The following PKIB variants were observed in gnomAD, a reference collection of about 807,000 sequenced individuals.
PKIB encodes the protein PKI-beta.
A neutral mutation model predicts 4.5 loss-of-function variants in PKIB; 2 were observed. The observed-to-expected ratio is 0.44, with a 90% CI of 0.18 to 1.39. PKIB has a LOEUF of 1.39. Ranked by LOEUF, PKIB falls within the 40% of genes most tolerant of loss-of-function variation. The pLI, the probability that PKIB is intolerant of heterozygous loss-of-function variation, is 0.27. For missense variants in PKIB, 94 were observed against 92.6 expected, an observed-to-expected ratio of 1.02 and a Z score of -0.06; for synonymous variants, 38 against 36.0, an observed-to-expected ratio of 1.06 and a Z score of -0.20.
At chr6:122,710,679 G>T (rs2115053023) in intron 3 of PKIB, among the ~76,000 whole-genome samples, 1 of 152,298 alleles carries the variant, frequency 6.6e-6, no homozygotes, top group East Asian at 1.9e-4. Context: ...TGGTAAAGGT[G>T]CTAGCACGCA....
chr6:122,703,109 T>C (rs1419090487), intron 3 of PKIB, among the ~76,000 whole-genome samples: 2 of 152,170 alleles, frequency 1.3e-5, no homozygotes, highest in East Asian at 3.8e-4. Flanking sequence ...AGCTCTATTC[T>C]GTGAAATGCC....
upstream of PKIB, among the ~76,000 whole-genome samples, chr6:122,605,823 GA>G (rs753919517): frequency 6.6e-6 from 1 of 152,128 alleles, no homozygotes; most frequent in Non-Finnish European, 1.5e-5. Context: ...CTAATCTTCT[GA>G]TTTTCATATG....
At chr6:122,577,764 C>T (rs1773588654) in intron 2 of PKIB, among the ~76,000 whole-genome samples, 1 of 151,718 alleles carries the variant, frequency 6.6e-6, no homozygotes, top group South Asian at 2.1e-4. Context: ...AAAAAATTAG[C>T]CGGGCGTGGT....
intron 3 of PKIB, among the ~76,000 whole-genome samples, chr6:122,599,973 A>ATATATCTATATCTATATC (rs72488702): frequency 2.7e-5 from 4 of 146,836 alleles, no homozygotes; most frequent in African/African-American, 7.6e-5. Flanking sequence ...AACTAATAGG[A>ATATATCTATATCTATATC]TATATCTATA....
intron 2 of PKIB, among the ~76,000 whole-genome samples, chr6:122,641,021 T>C (rs1477844206): frequency 1.3e-5 from 2 of 152,204 alleles, no homozygotes; most frequent in Non-Finnish European, 2.9e-5. Context: ...ACTCATTTTA[T>C]TTTATAATGT....
chr6:122,575,012 AG>A (rs1773484645), intron 2 of PKIB, among the ~76,000 whole-genome samples: 1 of 152,214 alleles, frequency 6.6e-6, no homozygotes, highest in East Asian at 1.9e-4. Flanking sequence ...ACAAAGAACT[AG>A]TATCCAGAAT....
rs144382469 is a variant in PKIB at position 122,514,128 on chromosome 6, G to T, written c.-248+36189G>T. On this transcript the variant is annotated intron_variant, in intron 2 of 6. Coordinates refer to the PKIB transcript ENST00000392491. ...GAGGCAAATCCAGGAATTCTAAAAG[G>T]AACAGATTCCAGGGATGAATTCTCT... 1.8e-4 allele frequency among the ~76,000 whole-genome samples: 28 copies of T among 152,314 alleles called. 1 individual carries two copies. In the East Asian group the frequency reaches 3.3e-3, roughly 18 times the overall value.
At chr6:122,668,133 C>A (rs1391525884) in intron 2 of PKIB, among the ~76,000 whole-genome samples, 2 of 152,172 alleles carry the variant, frequency 1.3e-5, no homozygotes, top group African/African-American at 4.8e-5. Flanking sequence ...CATTTTAGAG[C>A]AGGTTTTCAC....
chr6:122,526,049 T>C (rs1777084461), intron 2 of PKIB, among the ~76,000 whole-genome samples: 1 of 152,172 alleles, frequency 6.6e-6, no homozygotes, highest in South Asian at 2.1e-4. Flanking sequence ...AGGAATAGAC[T>C]CCATCTCAGG....
chr6:122,552,004 T>C (rs1489407765), intron 2 of PKIB, among the ~76,000 whole-genome samples: 1 of 151,844 alleles, frequency 6.6e-6, no homozygotes, highest in Non-Finnish European at 1.5e-5. Context: ...TTCTGTGCAT[T>C]CTCGATGTCA....
At chr6:122,539,820 T>C (rs1777535385) in intron 2 of PKIB, among the ~76,000 whole-genome samples, 1 of 152,078 alleles carries the variant, frequency 6.6e-6, no homozygotes, top group South Asian at 2.1e-4. Flanking sequence ...CTGGACTTTT[T>C]TTGGTTCGTA....
intron 2 of PKIB, among the ~76,000 whole-genome samples, chr6:122,651,786 C>A (rs1482429296): frequency 6.6e-6 from 1 of 152,166 alleles, no homozygotes; most frequent in African/African-American, 2.4e-5. Context: ...TTATACAGAG[C>A]TTGAACAGGA....
chr6:122,555,314 A>G (rs951065106), intron 2 of PKIB, among the ~76,000 whole-genome samples: 2 of 152,242 alleles, frequency 1.3e-5, no homozygotes, highest in East Asian at 1.9e-4. Context: ...AAAACACACA[A>G]TGTATTCTAG....
At chr6:122,663,093 G>A (rs1202640601) in intron 2 of PKIB, among the ~76,000 whole-genome samples, 2 of 152,136 alleles carry the variant, frequency 1.3e-5, no homozygotes, top group African/African-American at 4.8e-5. Flanking sequence ...TTCTGGGCAT[G>A]GGTAATTGTG....
chr6:122,480,092 G>C (rs921920889), intron 2 of PKIB: 6 of 151,704 alleles, frequency 4.0e-5, no homozygotes, highest in African/African-American at 1.5e-4. Context: ...ACCCAGGCTG[G>C]AGTACAGTGG....
At chr6:122,484,346 A>C (rs1385388343) in intron 2 of PKIB, among the ~76,000 whole-genome samples, 1 of 152,164 alleles carries the variant, frequency 6.6e-6, no homozygotes, top group Non-Finnish European at 1.5e-5. Flanking sequence ...TGGTTTATGT[A>C]CTTGTTTTGA....
chr6:122,480,033 C>A (rs1408759463), intron 2 of PKIB: 1 of 151,286 alleles, frequency 6.6e-6, no homozygotes, highest in African/African-American at 2.4e-5. Flanking sequence ...GTAGTGGCAA[C>A]CATAGTCAAT....
chr6:122,668,621 C>G (rs1411005038), intron 2 of PKIB, among the ~76,000 whole-genome samples: 1 of 152,082 alleles, frequency 6.6e-6, no homozygotes, highest in East Asian at 1.9e-4. Context: ...CTGACTTCTC[C>G]CTAAAAAATG....
intron 2 of PKIB, among the ~76,000 whole-genome samples, chr6:122,637,794 T>G (rs1481586555): frequency 6.6e-6 from 1 of 150,604 alleles, no homozygotes; most frequent in Non-Finnish European, 1.5e-5. Context: ...AATAAATAAA[T>G]AAAGATGAAG....
Sources: allele counts gnomAD v4.1 joint callset (sites outside exome capture counted in the v4.1 genomes callset), GRCh38; gene constraint gnomAD v4.1.1; transcripts MANE v1.5; gene names NCBI Gene and HGNC (gene_info 2026-07-23, HGNC 2026-07-21).